The following RHOBTB1 variants were observed in gnomAD, a reference collection of about 807,000 sequenced individuals.
RHOBTB1 encodes Rho related BTB domain containing 1, also known as rho-related BTB domain-containing protein 1.
In RHOBTB1, 40 loss-of-function variants were observed where a neutral mutation model predicts 71.6. The ratio of observed to expected loss-of-function variants is 0.56; its 90% CI spans 0.43 to 0.73. The LOEUF (loss-of-function observed/expected upper bound fraction) is 0.73, where lower values mean the gene tolerates loss of function less well. Ranked by LOEUF, RHOBTB1 falls within the 30% of genes least tolerant of loss-of-function variation. The pLI, the probability that RHOBTB1 is intolerant of heterozygous loss-of-function variation, is 0.00. For missense variants in RHOBTB1, 797 were observed against 894.0 expected (o/e 0.89, Z 1.38); for synonymous variants, 319 against 334.9 (o/e 0.95, Z 0.52).
At chr10:60,873,111 CCACTCAAGAGACT>C (rs1294201311) in intron 9 of RHOBTB1, among the ~76,000 whole-genome samples, 1 of 152,120 alleles carries the variant, frequency 6.6e-6, no homozygotes, top group Non-Finnish European at 1.5e-5. Flanking sequence ...CCTCAGAAAC[CCACTCAAGAGACT>C]CACTGAAAAT....
chr10:60,864,386 T>A, the RHOBTB1 span, among the ~76,000 whole-genome samples: 1 of 152,196 alleles, frequency 6.6e-6, no homozygotes, highest in African/African-American at 2.4e-5. Flanking sequence ...GGTAGAGTGG[T>A]GCCAAGACTT....
At chr10:60,948,753 T>A (rs991817949), upstream of RHOBTB1, among the ~76,000 whole-genome samples, 17 of 152,212 alleles carry the variant, frequency 1.1e-4, no homozygotes, top group Admixed American at 9.2e-4. Flanking sequence ...TGGGAAACAG[T>A]TGTTGGAGTA....
chr10:60,921,785 G>A (rs560922667), intron 2 of RHOBTB1, among the ~76,000 whole-genome samples: 1 of 152,346 alleles, frequency 6.6e-6, no homozygotes, highest in East Asian at 1.9e-4. Flanking sequence ...GCAGCAGCGT[G>A]TGGCTAAGCC....
rs2081908786 is a variant in RHOBTB1, at chr10:60,891,336, T to C, written c.482+1474A>G. Among the ~76,000 whole-genome samples, 2 of 120,472 alleles carry C rather than the reference T, an allele frequency of 1.7e-5. 1 individual carries two copies. Among genetic ancestry groups the C allele is most frequent in the South Asian group, 5.7e-4 (2 of 3,538 alleles). The allele number at this position is 120,472 out of a possible 152,430, so 79.0% of individuals were successfully genotyped here. A position where few individuals can be genotyped will look rare whatever the true frequency, so the allele number is the denominator to read the frequency against. The stretch of plus-strand genomic sequence containing the variant: ...ATTTTTGTTGTTGTTGCTGTTTGCT[T>C]TTTTTTTTTTTTTTTTTTTTTTGAG... On this transcript the variant is annotated intron_variant, in intron 5 of 10. Transcript: ENST00000337910.
chr10:60,959,884 T>C (rs1352685827), intron 2 of RHOBTB1, among the ~76,000 whole-genome samples: 1 of 152,202 alleles, frequency 6.6e-6, no homozygotes, highest in Non-Finnish European at 1.5e-5. Context: ...GAAGATTAAA[T>C]ACAATTATGT....
At chr10:60,975,694 T>C (rs1287060916) in intron 2 of RHOBTB1, among the ~76,000 whole-genome samples, 3 of 152,064 alleles carry the variant, frequency 2.0e-5, no homozygotes, top group Non-Finnish European at 4.4e-5. Flanking sequence ...GTGTTTTTAC[T>C]TAGCAGGAAC....
intron 2 of RHOBTB1, among the ~76,000 whole-genome samples, chr10:60,915,755 T>A (rs2083237620): frequency 6.6e-6 from 1 of 152,136 alleles, no homozygotes; most frequent in African/African-American, 2.4e-5. Flanking sequence ...GGTCTGATCA[T>A]CCTATACCTG....
chr10:60,925,222 T>C (rs1214799635), intron 2 of RHOBTB1, among the ~76,000 whole-genome samples: 4 of 152,212 alleles, frequency 2.6e-5, no homozygotes, highest in Non-Finnish European at 5.9e-5. Context: ...ATGCTTCATG[T>C]AAAGACTGCA....
At chr10:60,941,185 TAG>T (rs915292825) in intron 2 of RHOBTB1, among the ~76,000 whole-genome samples, 1 of 152,190 alleles carries the variant, frequency 6.6e-6, no homozygotes, top group Non-Finnish European at 1.5e-5. Flanking sequence ...ATTTTTCAAC[TAG>T]AGAGTTTAGG....
At chr10:60,919,942 A>G (rs1345530843) in intron 2 of RHOBTB1, among the ~76,000 whole-genome samples, 3 of 152,194 alleles carry the variant, frequency 2.0e-5, no homozygotes, top group African/African-American at 4.8e-5. Context: ...TTATTTCTTG[A>G]AAAAATAAAC....
At chr10:60,995,053 G>A (rs938489463) in intron 1 of RHOBTB1, among the ~76,000 whole-genome samples, 4 of 151,782 alleles carry the variant, frequency 2.6e-5, no homozygotes, top group African/African-American at 4.8e-5. Flanking sequence ...CCCTGGCTGC[G>A]TACATCAATA....
intron 2 of RHOBTB1, among the ~76,000 whole-genome samples, chr10:60,921,075 A>C (rs2083536444): frequency 1.3e-5 from 2 of 151,152 alleles, no homozygotes; most frequent in African/African-American, 2.4e-5. Flanking sequence ...CAGCCTCCTG[A>C]GTAGCTGGGA....
chr10:60,982,779 A>G (rs771389886), intron 2 of RHOBTB1, among the ~76,000 whole-genome samples: 2 of 152,272 alleles, frequency 1.3e-5, no homozygotes, highest in Non-Finnish European at 2.9e-5. Flanking sequence ...TTTCTCACAC[A>G]TAGTAAGTTA....
downstream of RHOBTB1, among the ~76,000 whole-genome samples, chr10:60,865,223 A>G (rs2080631462): frequency 6.6e-6 from 1 of 152,322 alleles, no homozygotes; most frequent in South Asian, 2.1e-4. Flanking sequence ...GACAGTTTTA[A>G]CAATCTCCAA....
rs1231853637 is a variant in RHOBTB1, at chr10:60,872,291, C to T, written c.1816-1G>A. 1 of 1,612,434 alleles carries T rather than the reference C, an allele frequency of 6.2e-7. No homozygotes were observed. Among genetic ancestry groups the T allele is most frequent in the South Asian group, 1.1e-5 (1 of 91,052 alleles). ...CGGCCAACTGGTGGGCATTGTGAAA[C>T]TGCAGAAAAGTGAGCAAAAGGAGGG... On this transcript the variant is annotated splice_acceptor_variant, in intron 9 of 10. Transcript: ENST00000337910. LOFTEE classifies it high-confidence loss of function.
intron 2 of RHOBTB1, among the ~76,000 whole-genome samples, chr10:60,934,122 C>T (rs1002736035): frequency 6.6e-6 from 1 of 151,998 alleles, no homozygotes; most frequent in Non-Finnish European, 1.5e-5. Flanking sequence ...GGTAGGAAAA[C>T]AAGGAAATAA....
At chr10:60,862,245 T>C in the RHOBTB1 span, among the ~76,000 whole-genome samples, 27,165 of 151,552 alleles carry the variant, frequency 0.18, 2,716 homozygotes, top group African/African-American at 0.27. Context: ...TTACCCAGGC[T>C]GGACTGCAGT....
chr10:60,938,735 G>A (rs906980478), intron 2 of RHOBTB1, among the ~76,000 whole-genome samples: 1 of 152,088 alleles, frequency 6.6e-6, no homozygotes, highest in African/African-American at 2.4e-5. Flanking sequence ...TTTGGAGGGG[G>A]GGTTTGTTTA....
intron 2 of RHOBTB1, among the ~76,000 whole-genome samples, chr10:60,949,876 A>G (rs2085355226): frequency 6.6e-6 from 1 of 152,170 alleles, no homozygotes; most frequent in Admixed American, 6.5e-5. Flanking sequence ...GGCACCAATG[A>G]AATGTAGGCT....
Sources: gnomAD v4.1 joint callset for allele counts (sites outside exome capture counted in the v4.1 genomes callset) on GRCh38, gnomAD v4.1.1 for gene constraint, MANE v1.5 for transcripts, NCBI Gene and HGNC (gene_info 2026-07-23, HGNC 2026-07-21) for gene names.